Variants in ACER1 observed in about 807,000 individuals in gnomAD.
The protein encoded by ACER1 is alkaline ceramidase 1.
In ACER1, 28 loss-of-function variants were observed where a neutral mutation model predicts 24.9. That is an observed-to-expected ratio of 1.13 (90% CI 0.83 to 1.54). The LOEUF (loss-of-function observed/expected upper bound fraction) is 1.54, where lower values mean the gene tolerates loss of function less well. ACER1 is among the 40% of genes most tolerant of loss of function. The pLI is 0.00. For missense variants in ACER1, 352 were observed against 349.3 expected, an observed-to-expected ratio of 1.01 and a Z score of -0.06; for synonymous variants, 132 against 131.4, an observed-to-expected ratio of 1.00 and a Z score of -0.03.
At chr19:6,308,431 G>A (rs564209703) in intron 4 of ACER1, among the ~76,000 whole-genome samples, 1,153 of 66,330 alleles carry the variant, frequency 0.017, 14 homozygotes, top group African/African-American at 0.065. Flanking sequence ...GTGAGACTCC[G>A]TCTCAAAAAA....
At position 6,306,374 on chromosome 19, in the gene ACER1, C is replaced by T. The variant is rs184285314; in HGVS notation, c.*340G>A. On this transcript the variant is annotated 3_prime_UTR_variant, in exon 6 of 6. Coordinates refer to ENST00000301452, the MANE Select transcript of ACER1 (RefSeq NM_133492.3). ...AGAAGCTAATATTTAGATGCCACAT[C>T]CTTCAGTCACCCCAGTACCTGGTGA... The T allele has an allele frequency of 1.5e-3, 315 of 208,344 alleles. 3 individuals are homozygous for T. The highest frequency in any genetic ancestry group is 6.7e-3 in the African/African-American group (296 of 44,088). 12.9% of individuals were successfully genotyped at this position (208,344 alleles called of 1,614,324 possible).
chr19:6,358,539 A>G, the ACER1 span, among the ~76,000 whole-genome samples: 2 of 151,220 alleles, frequency 1.3e-5, no homozygotes, highest in African/African-American at 4.9e-5. Flanking sequence ...AGGCAGGAGA[A>G]TGGCGTGAAC....
the ACER1 span, among the ~76,000 whole-genome samples, chr19:6,355,835 CGGGA>C: frequency 1.5e-3 from 215 of 146,896 alleles, 1 homozygote; most frequent in African/African-American, 5.6e-3. Flanking sequence ...CCGCTCCATC[CGGGA>C]GGGAGGTGGG....
chr19:6,355,412 G>T, the ACER1 span, among the ~76,000 whole-genome samples: 18 of 141,534 alleles, frequency 1.3e-4, no homozygotes, highest in East Asian at 6.4e-4. Context: ...CCATCTGGGA[G>T]GTGAGGAGCG....
At chr19:6,312,120 C>A (rs1346375219) in intron 3 of ACER1, 29 bp downstream of exon 3, 3 of 1,609,152 alleles carry the variant, frequency 1.9e-6, no homozygotes, top group East Asian at 2.2e-5. Context: ...CAGACCCCAC[C>A]CTGTCCAGAT....
chr19:6,327,796 G>T (rs966061723), intron 1 of ACER1, among the ~76,000 whole-genome samples: 50 of 151,914 alleles, frequency 3.3e-4, no homozygotes, highest in Admixed American at 2.6e-4. Flanking sequence ...AAAAAAATTG[G>T]CCAGGCACGG....
At chr19:6,336,834 A>AG (rs1365983131), upstream of ACER1, among the ~76,000 whole-genome samples, 4 of 148,312 alleles carry the variant, frequency 2.7e-5, 1 homozygote, top group East Asian at 1.9e-4. Context: ...AAAAAAAAAA[A>AG]AAAGAAAAAG....
At chr19:6,319,332 G>C (rs115238312) in intron 1 of ACER1, among the ~76,000 whole-genome samples, 1,744 of 152,152 alleles carry the variant, frequency 0.011, 43 homozygotes, top group African/African-American at 0.04. Context: ...GCCTTCCGGG[G>C]CTCAGCCCCC....
At chr19:6,357,974 A>G in the ACER1 span, among the ~76,000 whole-genome samples, 6 of 152,294 alleles carry the variant, frequency 3.9e-5, no homozygotes, top group South Asian at 1.2e-3. Context: ...CCGCCATCCC[A>G]CGTCAGAGGC....
intron 4 of ACER1, among the ~76,000 whole-genome samples, chr19:6,309,463 A>G (rs2091566735): frequency 6.6e-6 from 1 of 152,034 alleles, no homozygotes; most frequent in South Asian, 2.1e-4. Flanking sequence ...TGGAGGTTGC[A>G]GTGAGCCAAG....
At chr19:6,319,149 G>A (rs1307743724) in intron 1 of ACER1, among the ~76,000 whole-genome samples, 1 of 152,086 alleles carries the variant, frequency 6.6e-6, no homozygotes, top group Admixed American at 6.6e-5. Flanking sequence ...TATGGGTATC[G>A]TTATTCCAAG....
chr19:6,324,860 A>AAAGGAAGGGAGGGAGGGAGGAAGG (rs1310221145), intron 1 of ACER1, among the ~76,000 whole-genome samples: 3 of 100,288 alleles, frequency 3.0e-5, no homozygotes, highest in African/African-American at 1.2e-4. Flanking sequence ...AGAGAGAGAG[A>AAAGGAAGGGAGGGAGGGAGGAAGG]AAGGAAGGAA....
intron 1 of ACER1, among the ~76,000 whole-genome samples, chr19:6,329,293 C>T (rs1347737133): frequency 6.6e-6 from 1 of 151,880 alleles, no homozygotes; most frequent in African/African-American, 2.4e-5. Context: ...TGGGGAAGCC[C>T]TTTCTCACAT....
chr19:6,337,461 CTTTTTTTTTT>C (rs35503813), upstream of ACER1, among the ~76,000 whole-genome samples: 1 of 138,848 alleles, frequency 7.2e-6, no homozygotes, highest in Admixed American at 7.3e-5. Flanking sequence ...CTTTTTTTTT[CTTTTTTTTTT>C]TGAGATGGCG....
At position 6,330,093 on chromosome 19, in the gene ACER1, G is replaced by A. The variant is rs193245880; in HGVS notation, c.93+3366C>T. Among the ~76,000 whole-genome samples the A allele has an allele frequency of 1.1e-4, 17 of 151,210 alleles. No homozygotes were observed. The East Asian group carries it at 2.3e-3, about 21-fold the overall frequency. ...TCACCGTGTTAGCCAGGATGGTCTC[G>A]ATTTCTTGACCTCGTGATCTGCCCG... On this transcript the variant is annotated intron_variant, in intron 1 of 5. Transcript: ENST00000301452.
At chr19:6,313,568 A>T in intron 1 of ACER1, among the ~76,000 whole-genome samples, 1 of 152,212 alleles carries the variant, frequency 6.6e-6, no homozygotes, top group East Asian at 1.9e-4. Flanking sequence ...TGTAAATGAC[A>T]TCTACTACTT....
chr19:6,350,863 T>C, the ACER1 span, among the ~76,000 whole-genome samples: 1 of 152,118 alleles, frequency 6.6e-6, no homozygotes, highest in Admixed American at 6.6e-5. Flanking sequence ...ATAAACAAAT[T>C]TCCTGGCTCC....
chr19:6,346,697 A>G, the ACER1 span, among the ~76,000 whole-genome samples: 1 of 151,458 alleles, frequency 6.6e-6, no homozygotes, highest in Non-Finnish European at 1.5e-5. Flanking sequence ...GCTGTCCACC[A>G]GCCATCTACA....
intron 1 of ACER1, among the ~76,000 whole-genome samples, chr19:6,323,529 C>T (rs1411808135): frequency 2.6e-5 from 4 of 152,210 alleles, no homozygotes; most frequent in Admixed American, 2.6e-4. Context: ...TTGCCTTCCA[C>T]CATGATTGTG....
Sources: allele counts gnomAD v4.1 joint callset (sites outside exome capture counted in the v4.1 genomes callset), GRCh38; gene constraint gnomAD v4.1.1; transcripts MANE v1.5; gene names NCBI Gene and HGNC (gene_info 2026-07-23, HGNC 2026-07-21).